CYP3A5: variants seen among roughly 807,000 people sequenced by gnomAD.
CYP3A5 encodes the protein cytochrome P450 family 3 subfamily A member 5, also known as cytochrome P450 3A5.
A neutral mutation model predicts 55.9 loss-of-function variants in CYP3A5; 51 were observed. That is an observed-to-expected ratio of 0.91 (90% CI 0.73 to 1.15). CYP3A5 has a LOEUF of 1.15. Among genes scored for constraint, CYP3A5 ranks in the 50% most tolerant of loss-of-function variants. The pLI is 0.00. For missense variants in CYP3A5, 533 were observed against 596.6 expected (o/e 0.89, Z 1.11); for synonymous variants, 196 against 213.9 (o/e 0.92, Z 0.73).
chr7:99,671,749 A>G (rs1206114148), intron 4 of CYP3A5: 6 of 687,024 alleles, frequency 8.7e-6, no homozygotes, highest in Non-Finnish European at 1.6e-5. Flanking sequence ...CAAATAAATA[A>G]AAGTTTGCTC....
chr7:99,650,905 A>G (rs1809116116), intron 11 of CYP3A5, among the ~76,000 whole-genome samples: 1 of 152,196 alleles, frequency 6.6e-6, no homozygotes, highest in African/African-American at 2.4e-5. Flanking sequence ...GATCTGTTCC[A>G]TTAAGCTATA....
chr7:99,652,857 G>T, intron 10 of CYP3A5, 78 bp from the exon 11 acceptor site: 1 of 1,060,188 alleles, frequency 9.4e-7, no homozygotes, highest in Non-Finnish European at 1.4e-6. Flanking sequence ...TACTATTGAA[G>T]TATTAGAAGC....
At chr7:99,673,754 A>C (rs1413868423) in intron 3 of CYP3A5, among the ~76,000 whole-genome samples, 2 of 152,214 alleles carry the variant, frequency 1.3e-5, no homozygotes, top group East Asian at 3.9e-4. Flanking sequence ...AGCACATATT[A>C]GAAGGGTCTG....
At chr7:99,665,117 A>G (rs751539739) in intron 7 of CYP3A5, 49 bp downstream of exon 7, 1 of 1,449,540 alleles carries the variant, frequency 6.9e-7, no homozygotes, top group African/African-American at 1.4e-5. Flanking sequence ...TTATATGTCA[A>G]GAAAGCAGTT....
In CYP3A5 at chr7:99,648,341, C is replaced by T. The variant is rs1808822964; in HGVS notation, c.1473G>A (p.Lys491=). 1 of 1,612,586 alleles carries T rather than the reference C, an allele frequency of 6.2e-7. No homozygotes were observed. The highest frequency in any genetic ancestry group is 1.7e-5 in the Admixed American group (1 of 59,978). The change falls in exon 13 of 13, where the codon AAG becomes AAA. Residue 491 remains lysine, a synonymous_variant. Coordinates refer to ENST00000222982, the MANE Select transcript of CYP3A5 (RefSeq NM_000777.5). ...TTAGGGTTCCATCTCTTGAATCCAC[C>T]TTTAGAACAATGGGTTTTTCTGGTT... ...LLQPEKPIVL[K]VDSRDGTLSG...
intron 11 of CYP3A5, among the ~76,000 whole-genome samples, chr7:99,651,175 G>T (rs1413206386): frequency 6.6e-6 from 1 of 152,170 alleles, no homozygotes; most frequent in Admixed American, 6.5e-5. Flanking sequence ...ACCAGTGATA[G>T]ATATATGGAG....
Position 99,653,763 on chromosome 7 carries a change from C to T in CYP3A5, c.1027-984G>A, listed in dbSNP as rs1809415123. 6.6e-6 allele frequency among the ~76,000 whole-genome samples: 1 copy of T among 152,176 alleles called. No individual in the cohort carries two copies. The highest frequency in any genetic ancestry group is 1.5e-5 in the Non-Finnish European group (1 of 68,034). On this transcript the variant is annotated intron_variant, in intron 10 of 12. Coordinates refer to ENST00000222982, the MANE Select transcript of CYP3A5 (RefSeq NM_000777.5). This position sits in a 1 kb window ranked among gnomAD's most constrained non-coding sequence, Gnocchi z 4.2. ...GGTCTCTTCACACTAAAAAGAATCC[C>T]AGTTTGGGCAGAAGTCTGAAAACTG...
intron 1 of CYP3A5, chr7:99,677,126 T>C (rs1038950897): frequency 1.8e-5 from 17 of 966,310 alleles, no homozygotes; most frequent in Non-Finnish European, 2.0e-5. Context: ...TGGTGTTCAC[T>C]ATGGCAGGCC....
chr7:99,677,310 A>G (rs1812383838), intron 1 of CYP3A5: 9 of 946,262 alleles, frequency 9.5e-6, no homozygotes, highest in African/African-American at 1.8e-5. Context: ...CTAGCCCCAC[A>G]CAGTTGGCTC....
At position 99,679,985 on chromosome 7, in the gene CYP3A5, G is replaced by T; in HGVS notation, c.-89C>A. 2 of 1,103,568 alleles carry T rather than the reference G, an allele frequency of 1.8e-6. No individual in the cohort carries two copies. Among genetic ancestry groups the T allele is most frequent in the Non-Finnish European group, 2.8e-6 (2 of 716,696 alleles). 68.4% of individuals were successfully genotyped at this position (1,103,568 alleles called of 1,614,324 possible). On this transcript the variant is annotated 5_prime_UTR_variant, in exon 1 of 13. Coordinates refer to ENST00000222982, the MANE Select transcript of CYP3A5 (RefSeq NM_000777.5). ...TGGGCTGTTTGCCTGGAGCTTCCCT[G>T]CCCTGCACAGCAGTCTTCAGCCAAG...
In CYP3A5 at chr7:99,650,244, T is replaced by C. The variant is rs749730989; in HGVS notation, c.1254-12A>G. Reference sequence around the variant, plus strand: ...TCTTCTTACTGAACCTAGTTCCATATTGGTAGATTAAATAGTTAATGAAAC... The same window carrying C: ...TCTTCTTACTGAACCTAGTTCCATACTGGTAGATTAAATAGTTAATGAAAC... On this transcript the variant is annotated splice_polypyrimidine_tract_variant and intron_variant, in intron 11 of 12. Transcript: ENST00000222982. The C allele has an allele frequency of 1.9e-6, 3 of 1,610,988 alleles. No homozygotes were observed. Among genetic ancestry groups the C allele is most frequent in the South Asian group, 2.2e-5 (2 of 90,674 alleles).
At chr7:99,667,139 A>C in intron 4 of CYP3A5, 74 bp from the exon 5 acceptor site, 1 of 1,372,046 alleles carries the variant, frequency 7.3e-7, no homozygotes, top group Non-Finnish European at 1.0e-6. Flanking sequence ...TATATTGAAG[A>C]GGCATCCTTA....
intron 4 of CYP3A5, among the ~76,000 whole-genome samples, chr7:99,669,891 C>A (rs1039993582): frequency 1.1e-4 from 17 of 152,114 alleles, no homozygotes; most frequent in Admixed American, 1.0e-3. Context: ...GGGACTTGTA[C>A]AATTAATAGA....
At chr7:99,655,501 G>A (rs1809621634) in intron 10 of CYP3A5, among the ~76,000 whole-genome samples, 1 of 152,214 alleles carries the variant, frequency 6.6e-6, no homozygotes. Flanking sequence ...ATAGTTTGAA[G>A]TCAGGTAGCA....
chr7:99,648,467 A>T, intron 12 of CYP3A5, 67 bp from the exon 13 acceptor site: 11 of 1,114,284 alleles, frequency 9.9e-6, no homozygotes, highest in South Asian at 1.3e-5. Context: ...ATGGAAGCAA[A>T]GTAGAAAAAA....
chr7:99,657,236 C>G (rs1809843171), intron 10 of CYP3A5, among the ~76,000 whole-genome samples: 4 of 152,278 alleles, frequency 2.6e-5, no homozygotes, highest in South Asian at 2.1e-4. Flanking sequence ...ATAAATTTCC[C>G]TCTACACATT....
At chr7:99,656,000 A>G (rs1473186582) in intron 10 of CYP3A5, among the ~76,000 whole-genome samples, 3 of 152,222 alleles carry the variant, frequency 2.0e-5, no homozygotes, top group Non-Finnish European at 4.4e-5. Flanking sequence ...GGGGTTTTCT[A>G]GATATACAAT....
intron 1 of CYP3A5, among the ~76,000 whole-genome samples, chr7:99,679,145 C>A (rs1163945383): frequency 6.6e-6 from 1 of 152,142 alleles, no homozygotes; most frequent in Non-Finnish European, 1.5e-5. Context: ...TCCTCCAGGT[C>A]TCCTTTGCTC....
rs1811059549 is a variant in CYP3A5, at chr7:99,666,699, A to C, written c.433-10T>G. ...CAATGATGGGGAACATCTAAGCACA[A>C]AACAGATCAGTACCTGTAGTTAAAT... On this transcript the variant is annotated splice_polypyrimidine_tract_variant and intron_variant, in intron 5 of 12. Transcript: ENST00000222982. The C allele has an allele frequency of 1.9e-6, 3 of 1,613,984 alleles. No individual in the cohort carries two copies. The highest frequency in any genetic ancestry group is 1.7e-5 in the Admixed American group (1 of 60,006).
Sources: allele counts gnomAD v4.1 joint callset (sites outside exome capture counted in the v4.1 genomes callset), GRCh38; gene constraint gnomAD v4.1.1; non-coding constraint Gnocchi (gnomAD v3.1); transcripts MANE v1.5; gene names NCBI Gene and HGNC (gene_info 2026-07-23, HGNC 2026-07-21).